Variants in TMPRSS6 observed in about 807,000 individuals in gnomAD.
TMPRSS6 encodes the protein transmembrane serine protease 6, also known as transmembrane protease serine 6.
A neutral mutation model predicts 101.5 loss-of-function variants in TMPRSS6; 67 were observed. The ratio of observed to expected loss-of-function variants is 0.66; its 90% CI spans 0.54 to 0.81. The LOEUF is 0.81. Ranked by LOEUF, TMPRSS6 falls within the 30% of genes least tolerant of loss-of-function variation. The pLI, the probability that TMPRSS6 is intolerant of heterozygous loss-of-function variation, is 0.00. For missense variants in TMPRSS6, 1,034 were observed against 1,088.7 expected, an observed-to-expected ratio of 0.95 and a Z score of 0.71; for synonymous variants, 453 against 464.9, an observed-to-expected ratio of 0.97 and a Z score of 0.33.
At position 37,101,071 on chromosome 22, in the gene TMPRSS6, G is replaced by A. The variant is rs1452116343; in HGVS notation, c.202+2145C>T. ...TGGAAAGGGCACAGAGAGACTGGGTGTGTGGACTGACAGCTCTTTCAAGGA... is the reference window on the plus strand; with the variant it reads ...TGGAAAGGGCACAGAGAGACTGGGTATGTGGACTGACAGCTCTTTCAAGGA... On this transcript the variant is annotated intron_variant, in intron 2 of 17. Transcript: ENST00000676104. This position sits in a 1 kb window ranked among gnomAD's most constrained non-coding sequence, Gnocchi z 4.1. Among the ~76,000 whole-genome samples the A allele has an allele frequency of 1.3e-5, 2 of 152,130 alleles. No individual in the cohort carries two copies. The highest frequency in any genetic ancestry group is 4.8e-5 in the African/African-American group (2 of 41,422).
At chr22:37,073,502 C>T in intron 13 of TMPRSS6, 30 bp downstream of exon 13, 1 of 1,509,980 alleles carries the variant, frequency 6.6e-7, no homozygotes, top group South Asian at 1.1e-5. Context: ...CTTTGGTGTC[C>T]CTCCAGACAC....
chr22:37,074,832 C>T (rs374912833), intron 11 of TMPRSS6, 124 bp from the exon 12 acceptor site: 14 of 1,048,352 alleles, frequency 1.3e-5, no homozygotes, highest in South Asian at 6.7e-5. Context: ...CACCCACAGA[C>T]GTGGTCCTGG....
rs1329708680 is a variant in TMPRSS6 at position 37,101,413 on chromosome 22, A to G, written c.202+1803T>C. On this transcript the variant is annotated intron_variant, in intron 2 of 17. Coordinates refer to ENST00000676104, the MANE Select transcript of TMPRSS6 (RefSeq NM_001374504.1). This position sits in a 1 kb window ranked among gnomAD's most constrained non-coding sequence, Gnocchi z 4.1. ...TATTAAGGGTCCTGCTACCATCCTT[A>G]GGAAGCCAGCCACACCCTCTCCTCG... Among the ~76,000 whole-genome samples the G allele has an allele frequency of 6.6e-6, 1 of 152,064 alleles. No individual in the cohort carries two copies. The highest frequency in any genetic ancestry group is 1.5e-5 in the Non-Finnish European group (1 of 67,982).
Position 37,073,531 on chromosome 22 carries a change from C to T in TMPRSS6, c.1555+1G>A, listed in dbSNP as rs786205058. Reference sequence around the variant, plus strand: ...CAGACACTCGGCTAGGCCTGCCCTACCTTCCTGGCACTGCTCTTCGTCGCT... The same window carrying T: ...CAGACACTCGGCTAGGCCTGCCCTATCTTCCTGGCACTGCTCTTCGTCGCT... On this transcript the variant is annotated splice_donor_variant, in intron 13 of 17. Coordinates refer to ENST00000676104, the MANE Select transcript of TMPRSS6 (RefSeq NM_001374504.1). LOFTEE classifies it high-confidence loss of function. The T allele has an allele frequency of 1.9e-6, 3 of 1,609,984 alleles. No homozygotes were observed. Among genetic ancestry groups the T allele is most frequent in the Non-Finnish European group, 2.6e-6 (3 of 1,176,314 alleles).
Position 37,065,787 on chromosome 22 carries a change from T to C in TMPRSS6, c.*293A>G, listed in dbSNP as rs1926215831. 4.1e-6 allele frequency: 2 copies of C among 485,138 alleles called. No homozygotes were observed. The highest frequency in any genetic ancestry group is 3.3e-5 in the Admixed American group (1 of 30,264). The allele number at this position is 485,138 out of a possible 1,614,324, so 30.1% of individuals were successfully genotyped here. The stretch of plus-strand genomic sequence containing the variant: ...GCATTCTTGCTGCTGAGCCACTGCC[T>C]TGCATTAGGCAGCAGTGGAGGAAGG... On this transcript the variant is annotated 3_prime_UTR_variant, in exon 18 of 18. Transcript: ENST00000676104.
intron 10 of TMPRSS6, among the ~76,000 whole-genome samples, chr22:37,079,067 A>G (rs888843043): frequency 4.0e-5 from 6 of 151,416 alleles, no homozygotes; most frequent in African/African-American, 1.5e-4. Flanking sequence ...GGACTACCCT[A>G]CCCCCCATCA....
intron 10 of TMPRSS6, 40 bp downstream of exon 10, chr22:37,084,254 GA>G: frequency 1.3e-6 from 2 of 1,530,856 alleles, no homozygotes; most frequent in Admixed American, 1.8e-5. Flanking sequence ...GAGGGAGGGG[GA>G]GGGAGGAAAG....
At chr22:37,106,839 T>A (rs1416264484) in intron 1 of TMPRSS6, among the ~76,000 whole-genome samples, 1 of 152,094 alleles carries the variant, frequency 6.6e-6, no homozygotes, top group Admixed American at 6.5e-5. Context: ...TGCAGCTGAG[T>A]CCCCCTGCCT....
rs12157930 is a variant in TMPRSS6, at chr22:37,091,583, G to A, written c.632-1801C>T. ...AATCAGGCAGCAGTGGACCAGATTC[G>A]GTGTCCAGGCTGCAGTGAGCCAGTC... On this transcript the variant is annotated intron_variant, in intron 6 of 17. Coordinates refer to ENST00000676104, the MANE Select transcript of TMPRSS6 (RefSeq NM_001374504.1). Among the ~76,000 whole-genome samples, 1,350 of 152,262 alleles carry A rather than the reference G, an allele frequency of 8.9e-3. 23 individuals are homozygous for A. The highest frequency in any genetic ancestry group is 0.03 in the African/African-American group (1,249 of 41,540).
rs1301659751 is a variant in TMPRSS6 at position 37,069,157 on chromosome 22, G to A, written c.2029C>T (p.Pro677Ser). The stretch of plus-strand genomic sequence containing the variant: ...TGGGAGCGCGCGGGCAGGCAGACGG[G>A]GCGCACGGCGGCCGAGCGCACCACC... ...HPVVRSAAVR[P>S]VCLPARSHFF... The change falls in exon 16 of 18, where the codon CCC (proline) becomes TCC (serine). Residue 677 changes from proline (P) to serine (S), a missense_variant. Coordinates refer to ENST00000676104, the MANE Select transcript of TMPRSS6 (RefSeq NM_001374504.1). The surrounding 1 kb of genome is among the most constrained non-coding windows in gnomAD (Gnocchi z 4.8). The A allele has an allele frequency of 6.3e-7, 1 of 1,579,334 alleles. No homozygotes were observed. Among genetic ancestry groups the A allele is most frequent in the Non-Finnish European group, 8.6e-7 (1 of 1,164,064 alleles).
intron 6 of TMPRSS6, among the ~76,000 whole-genome samples, chr22:37,091,078 C>T (rs1163889273): frequency 2.6e-5 from 4 of 151,996 alleles, no homozygotes; most frequent in African/African-American, 7.3e-5. Context: ...AAAGCAGTAC[C>T]ACCTGCATCA....
chr22:37,100,248 TGAG>T (rs1317173049), intron 2 of TMPRSS6, among the ~76,000 whole-genome samples: 4 of 152,270 alleles, frequency 2.6e-5, no homozygotes, highest in African/African-American at 9.6e-5. Context: ...ATTACGGGCG[TGAG>T]CCACGCGCCT....
In TMPRSS6 at chr22:37,089,072, G is replaced by A. The variant is rs369104578; in HGVS notation, c.836+506C>T. On this transcript the variant is annotated intron_variant, in intron 7 of 17. Coordinates refer to ENST00000676104, the MANE Select transcript of TMPRSS6 (RefSeq NM_001374504.1). ...GCAGTACCACCTACATCATTCATTC[G>A]TTCACTCAAAATAGATACTGCACAC... is the stretch of plus-strand genomic sequence containing the variant. Among the ~76,000 whole-genome samples, 15 of 152,208 alleles carry A rather than the reference G, an allele frequency of 9.9e-5. No individual in the cohort carries two copies. In the East Asian group the frequency reaches 2.3e-3, roughly 24 times the overall value.
chr22:37,072,170 AACGGATG>A (rs1438331855), intron 13 of TMPRSS6, among the ~76,000 whole-genome samples: 1 of 89,014 alleles, frequency 1.1e-5, no homozygotes, highest in African/African-American at 4.4e-5. Context: ...ATGATGGATG[AACGGATG>A]ATGGATGGAT....
At chr22:37,094,402 GAT>G (rs1414046790) in intron 6 of TMPRSS6, among the ~76,000 whole-genome samples, 1 of 149,266 alleles carries the variant, frequency 6.7e-6, no homozygotes, top group African/African-American at 2.5e-5. Context: ...TAGATAGATA[GAT>G]AGATAGATAG....
At position 37,109,668 on chromosome 22, in the gene TMPRSS6, G is replaced by A. The variant is rs1322639537; in HGVS notation, c.-167C>T. On this transcript the variant is annotated 5_prime_UTR_variant, in exon 1 of 18. Coordinates refer to ENST00000676104, the MANE Select transcript of TMPRSS6 (RefSeq NM_001374504.1). The stretch of plus-strand genomic sequence containing the variant: ...TTGTCCCCTGTGGCCTGTGGCCTCA[G>A]GCTCCATGGAACTCCTCCTGCTGGG... The A allele has an allele frequency of 6.6e-6, 1 of 152,288 alleles. No homozygotes were observed. Among genetic ancestry groups the A allele is most frequent in the Non-Finnish European group, 1.5e-5 (1 of 68,112 alleles). The allele number at this position is 152,288 out of a possible 1,614,324, so 9.4% of individuals were successfully genotyped here. A position where few individuals can be genotyped will look rare whatever the true frequency, so the allele number is the denominator to read the frequency against.
rs67454685 is a variant in TMPRSS6 at position 37,094,381 on chromosome 22, TGATAGATAGATAGATA to T, written c.631+1154_631+1169del. ...ATTCTCTTTTTCCATTAATGATTGA[TGATAGATAGATAGATA>T]GATAGATAGATAGATAGATAGATAG... is the stretch of plus-strand genomic sequence containing the variant. On this transcript the variant is annotated intron_variant, in intron 6 of 17. Coordinates refer to ENST00000676104, the MANE Select transcript of TMPRSS6 (RefSeq NM_001374504.1). 4.2e-3 allele frequency among the ~76,000 whole-genome samples: 550 copies of T among 131,042 alleles called. 1 individual carries two copies. The highest frequency in any genetic ancestry group is 0.016 in the African/African-American group (517 of 32,110). The allele number at this position is 131,042 out of a possible 152,430, so 86.0% of individuals were successfully genotyped here. A position where few individuals can be genotyped will look rare whatever the true frequency, so the allele number is the denominator to read the frequency against.
rs368386250 is a variant in TMPRSS6 at position 37,099,254 on chromosome 22, G to T, written c.203-705C>A. ...CTTCCAGCAGAGGGAGCAGCATGGGGCACGGGGCCGGTAGCACGGGGACCA... is the reference window on the plus strand; with the variant it reads ...CTTCCAGCAGAGGGAGCAGCATGGGTCACGGGGCCGGTAGCACGGGGACCA... On this transcript the variant is annotated intron_variant, in intron 2 of 17. Transcript: ENST00000676104. 5.9e-5 allele frequency among the ~76,000 whole-genome samples: 9 copies of T among 152,342 alleles called. No homozygotes were observed. In the East Asian group the frequency reaches 1.2e-3, roughly 20 times the overall value.
intron 6 of TMPRSS6, among the ~76,000 whole-genome samples, chr22:37,093,166 G>C (rs1040550359): frequency 3.9e-5 from 6 of 152,066 alleles, no homozygotes; most frequent in African/African-American, 1.4e-4. Context: ...TCTGTGCTCT[G>C]GACATGCACT....
Sources: gnomAD v4.1 joint callset for allele counts (sites outside exome capture counted in the v4.1 genomes callset) on GRCh38, gnomAD v4.1.1 for gene constraint, Gnocchi (gnomAD v3.1) non-coding constraint, MANE v1.5 for transcripts, NCBI Gene and HGNC (gene_info 2026-07-23, HGNC 2026-07-21) for gene names.